The following FOXN3 variants were observed in gnomAD, a reference collection of about 807,000 sequenced individuals.
FOXN3 encodes forkhead box protein N3.
Under a neutral mutation model 38.4 loss-of-function variants are expected in FOXN3, and 7 were observed. The ratio of observed to expected loss-of-function variants is 0.18; its 90% CI spans 0.10 to 0.34. FOXN3 has a LOEUF of 0.34. FOXN3 is among the 10% of genes least tolerant of loss of function. FOXN3 has a pLI of 1.00. For synonymous variants in FOXN3, 230 were observed against 242.2 expected, an observed-to-expected ratio of 0.95 and a Z score of 0.47; for missense variants, 456 against 613.4, an observed-to-expected ratio of 0.74 and a Z score of 2.71.
chr14:89,511,050 A>G (rs2139806096), intron 1 of FOXN3, among the ~76,000 whole-genome samples: 1 of 152,138 alleles, frequency 6.6e-6, no homozygotes, highest in South Asian at 2.1e-4. Context: ...GGCGTTCATG[A>G]GTGTCCAGAA....
chr14:89,528,964 C>T lies in FOXN3; in HGVS notation c.-15+90064G>A, dbSNP rs1228449596. On this transcript the variant is annotated intron_variant, in intron 1 of 6. Coordinates refer to the FOXN3 transcript ENST00000345097. Reference sequence around the variant, plus strand: ...TTGTTAGGATGAAGCCACGGATGTACACATACATCAAGACTACACACTTTG... The same window carrying T: ...TTGTTAGGATGAAGCCACGGATGTATACATACATCAAGACTACACACTTTG... Among the ~76,000 whole-genome samples, 9 of 152,142 alleles carry T rather than the reference C, an allele frequency of 5.9e-5. No individual in the cohort carries two copies. The East Asian group carries it at 1.7e-3, about 29-fold the overall frequency.
chr14:89,488,669 C>G (rs1011015251), intron 1 of FOXN3, among the ~76,000 whole-genome samples: 4 of 151,246 alleles, frequency 2.6e-5, no homozygotes, highest in Non-Finnish European at 5.9e-5. Flanking sequence ...TCTGTACTTT[C>G]GGCAGTGCAT....
chr14:89,397,069 T>C (rs1319557093), intron 2 of FOXN3, among the ~76,000 whole-genome samples: 1 of 152,052 alleles, frequency 6.6e-6, no homozygotes, highest in Non-Finnish European at 1.5e-5. Context: ...TGCATAAAGA[T>C]GTGGGACATA....
Position 89,412,608 on chromosome 14 carries a change from G to T in FOXN3, c.-14-118C>A. On this transcript the variant is annotated intron_variant, in intron 1 of 5. Transcript: ENST00000557258. The surrounding 1 kb of genome is among the most constrained non-coding windows in gnomAD (Gnocchi z 4.7). Reference sequence around the variant, plus strand: ...GCCTCTATGGAACCCCTGCTACACAGGAACACCACCTTGTGACTCCCACAC... The same window carrying T: ...GCCTCTATGGAACCCCTGCTACACATGAACACCACCTTGTGACTCCCACAC... 1.4e-6 allele frequency: 1 copy of T among 717,964 alleles called. No individual in the cohort carries two copies. The highest frequency in any genetic ancestry group is 2.2e-6 in the Non-Finnish European group (1 of 446,840). The allele number at this position is 717,964 out of a possible 1,614,324, so 44.5% of individuals were successfully genotyped here.
rs558984653 is a variant in FOXN3 at position 89,345,631 on chromosome 14, C to T, written c.680+5041G>A. On this transcript the variant is annotated intron_variant, in intron 3 of 5. Transcript: ENST00000557258. ...CTTAATCCCCCTCCCAACCTTCCCC[C>T]TACTCCCCTCCGAGTCCCCAAAGTC... Among the ~76,000 whole-genome samples, 24 of 152,302 alleles carry T rather than the reference C, an allele frequency of 1.6e-4. No individual in the cohort carries two copies. The East Asian group carries it at 4.2e-3, about 27-fold the overall frequency.
chr14:89,570,006 T>G (rs962301546), intron 1 of FOXN3, among the ~76,000 whole-genome samples: 13 of 151,384 alleles, frequency 8.6e-5, no homozygotes, highest in African/African-American at 2.7e-4. Context: ...TTGGTATGTT[T>G]TTTTTTTTTT....
intron 1 of FOXN3, among the ~76,000 whole-genome samples, chr14:89,518,673 G>T (rs1382400042): frequency 6.6e-6 from 1 of 152,208 alleles, no homozygotes; most frequent in Non-Finnish European, 1.5e-5. Flanking sequence ...AACCACTGGT[G>T]ATCAGAAGAG....
At chr14:89,338,075 T>C (rs1214876914) in intron 3 of FOXN3, among the ~76,000 whole-genome samples, 2 of 152,184 alleles carry the variant, frequency 1.3e-5, no homozygotes, top group Admixed American at 6.5e-5. Flanking sequence ...CCAAACAGTC[T>C]GGCCTCGTGC....
At chr14:89,588,688 C>T (rs1010350008) in intron 1 of FOXN3, among the ~76,000 whole-genome samples, 1 of 152,076 alleles carries the variant, frequency 6.6e-6, no homozygotes, top group African/African-American at 2.4e-5. Context: ...CTGGTCAGTA[C>T]CTGGATGGTA....
intron 1 of FOXN3, among the ~76,000 whole-genome samples, chr14:89,426,334 C>A (rs1892027721): frequency 6.9e-6 from 1 of 145,588 alleles, no homozygotes; most frequent in Admixed American, 7.2e-5. Context: ...AAGTGATTAT[C>A]CCTGCCTCAG....
At chr14:89,380,172 CTG>C (rs1369522631) in intron 2 of FOXN3, among the ~76,000 whole-genome samples, 2 of 152,190 alleles carry the variant, frequency 1.3e-5, no homozygotes, top group Admixed American at 1.3e-4. Flanking sequence ...ACGTACTGTT[CTG>C]TGATAGTGAA....
intron 5 of FOXN3, among the ~76,000 whole-genome samples, chr14:89,165,435 T>C (rs1315089820): frequency 1.3e-5 from 2 of 152,244 alleles, no homozygotes; most frequent in Non-Finnish European, 2.9e-5. Flanking sequence ...ACTTGTTCAC[T>C]CTGAGCAGTC....
chr14:89,434,863 G>A (rs55826186), intron 1 of FOXN3, among the ~76,000 whole-genome samples: 4,909 of 152,196 alleles, frequency 0.032, 147 homozygotes, highest in African/African-American at 0.073. Context: ...TTTGCACTCC[G>A]GTAGTTATTG....
chr14:89,355,118 T>C (rs530864595), intron 2 of FOXN3: 2 of 144,100 alleles, frequency 1.4e-5, no homozygotes, highest in Admixed American at 1.4e-4. Context: ...AAAAATCAAC[T>C]CTCTATTAAA....
intron 1 of FOXN3, among the ~76,000 whole-genome samples, chr14:89,471,076 C>A (rs1893085398): frequency 1.3e-5 from 2 of 152,212 alleles, no homozygotes; most frequent in African/African-American, 4.8e-5. Flanking sequence ...CTAGGAGGAG[C>A]ATGAAAGTGG....
intron 1 of FOXN3, among the ~76,000 whole-genome samples, chr14:89,542,518 A>G (rs903908831): frequency 6.6e-6 from 1 of 152,188 alleles, no homozygotes; most frequent in Non-Finnish European, 1.5e-5. Flanking sequence ...AAATAAACGC[A>G]ACCTGAGGTT....
rs73321213 is a variant in FOXN3 at position 89,175,381 on chromosome 14, T to G, written c.851+5320A>C. Among the ~76,000 whole-genome samples the G allele has an allele frequency of 1.5e-4, 23 of 152,342 alleles. 1 individual carries two copies. In the East Asian group the frequency reaches 4.2e-3, roughly 28 times the overall value. Reference sequence around the variant, plus strand: ...TGGCTTTGCCAACAAATGTACTCTGTGCTGAAAGGTGGCATGAATTTAATT... The same window carrying G: ...TGGCTTTGCCAACAAATGTACTCTGGGCTGAAAGGTGGCATGAATTTAATT... On this transcript the variant is annotated intron_variant, in intron 5 of 5. Transcript: ENST00000557258.
At chr14:89,594,886 CT>C (rs2139931357) in intron 1 of FOXN3, among the ~76,000 whole-genome samples, 1 of 152,120 alleles carries the variant, frequency 6.6e-6, no homozygotes, top group Non-Finnish European at 1.5e-5. Flanking sequence ...AAAAAAGTAC[CT>C]TTTCTACTCT....
intron 1 of FOXN3, among the ~76,000 whole-genome samples, chr14:89,554,955 G>A (rs1756304): frequency 0.86 from 129,816 of 151,790 alleles, 55,718 homozygotes; most frequent in Admixed American, 0.88. Flanking sequence ...TGCCTGGCTG[G>A]TTTTTTTGTA....
Sources: gnomAD v4.1 joint callset for allele counts (sites outside exome capture counted in the v4.1 genomes callset) on GRCh38, gnomAD v4.1.1 for gene constraint, Gnocchi (gnomAD v3.1) non-coding constraint, MANE v1.5 for transcripts, NCBI Gene and HGNC (gene_info 2026-07-23, HGNC 2026-07-21) for gene names.